Variants in PLK1 observed in about 807,000 individuals in gnomAD.
PLK1 encodes serine/threonine-protein kinase PLK1.
A neutral mutation model predicts 56.7 loss-of-function variants in PLK1; 6 were observed. The observed-to-expected ratio is 0.11, with a 90% CI of 0.06 to 0.21. PLK1 has a LOEUF of 0.21. PLK1 is among the 10% of genes least tolerant of loss of function. The probability of loss-of-function intolerance (pLI) is 1.00; values close to 1 mark genes in which losing one functional copy is unlikely to be tolerated. For synonymous variants in PLK1, 298 were observed against 325.0 expected (o/e 0.92, Z 0.89); for missense variants, 546 against 814.4 (o/e 0.67, Z 4.01).
intron 6 of PLK1, 163 bp downstream of exon 6, chr16:23,687,787 C>G: frequency 2.3e-6 from 1 of 440,580 alleles, no homozygotes; most frequent in Non-Finnish European, 3.9e-6. Flanking sequence ...TTCCGTGGCT[C>G]CTGCCGCCTT....
At position 23,689,815 on chromosome 16, in the gene PLK1, C is replaced by A; in HGVS notation, c.1609-45C>A. On this transcript the variant is annotated intron_variant, in intron 9 of 9. Transcript: ENST00000300093. The surrounding 1 kb of genome is among the most constrained non-coding windows in gnomAD (Gnocchi z 4.8). ...TGTCTTCCCTCTACTCCCTAACATA[C>A]ACTGGCCTCTGGGATCGCCAACCCC... The A allele has an allele frequency of 6.4e-7, 1 of 1,571,500 alleles. No individual in the cohort carries two copies. Among genetic ancestry groups the A allele is most frequent in the Non-Finnish European group, 8.7e-7 (1 of 1,142,944 alleles).
rs568112267 is a variant in PLK1 at position 23,682,402 on chromosome 16, G to A, written c.816+245G>A. Among the ~76,000 whole-genome samples, 6 of 151,878 alleles carry A rather than the reference G, an allele frequency of 4.0e-5. No individual in the cohort carries two copies. The South Asian group carries it at 1.2e-3, about 32-fold the overall frequency. ...GGGTAACCCAAAAGTTGTGTAAAAA[G>A]CAAAAAACAAAGGAGGTAGGAAGGA... On this transcript the variant is annotated intron_variant, in intron 4 of 9. Transcript: ENST00000300093.
At position 23,689,601 on chromosome 16, in the gene PLK1, A is replaced by G; in HGVS notation, c.1533A>G (p.Leu511=). The G allele has an allele frequency of 6.2e-7, 1 of 1,613,284 alleles. No homozygotes were observed. Among genetic ancestry groups the G allele is most frequent in the Non-Finnish European group, 8.5e-7 (1 of 1,179,916 alleles). The change falls in exon 9 of 10, where the codon CTA becomes CTG. Residue 511 remains leucine (L), a synonymous_variant. Coordinates refer to ENST00000300093, the MANE Select transcript of PLK1 (RefSeq NM_005030.6). This position sits in a 1 kb window ranked among gnomAD's most constrained non-coding sequence, Gnocchi z 4.8. ...ATGAGCTCGCCCGGCTGCCCTACCT[A>G]CGGACCTGGTTCCGCACCCGCAGCG... is the stretch of plus-strand genomic sequence containing the variant. ...EGDELARLPY[L]RTWFRTRSAI... is the part of the protein sequence containing the mutation.
intron 1 of PLK1, 48 bp from the exon 2 acceptor site, chr16:23,680,036 C>CAAAGGAAGCACAGGA (rs1959306734): frequency 7.2e-7 from 1 of 1,397,980 alleles, no homozygotes; most frequent in Non-Finnish European, 1.0e-6. Context: ...TCCCCACCGG[C>CAAAGGAAGCACAGGA]CTCAATCCAC....
At position 23,681,767 on chromosome 16, in the gene PLK1, A is replaced by G. The variant is rs1255544757; in HGVS notation, c.723-297A>G. On this transcript the variant is annotated intron_variant, in intron 3 of 9. Coordinates refer to ENST00000300093, the MANE Select transcript of PLK1 (RefSeq NM_005030.6). ...CAGGTAGCCCTTTGACCTGTTTTGC[A>G]TGACAGGCAGCATCTGAGGCCCTTG... Among the ~76,000 whole-genome samples the G allele has an allele frequency of 1.3e-5, 2 of 152,198 alleles. 1 individual carries two copies. The highest frequency in any genetic ancestry group is 6.3e-3 in the Middle Eastern group (2 of 316).
At chr16:23,679,910 G>A in intron 1 of PLK1, 174 bp from the exon 2 acceptor site, 1 of 579,552 alleles carries the variant, frequency 1.7e-6, no homozygotes, top group East Asian at 2.8e-5. Context: ...CGCTGTGCTG[G>A]AGAAGGAATG....
chr16:23,683,823 A>G (rs770111338), intron 4 of PLK1, 47 bp from the exon 5 acceptor site: 1 of 1,442,822 alleles, frequency 6.9e-7, no homozygotes, highest in South Asian at 1.1e-5. Flanking sequence ...ACTGTACTCC[A>G]GGTCCCCTTC....
chr16:23,687,354 A>G, intron 5 of PLK1, 115 bp from the exon 6 acceptor site: 1 of 825,556 alleles, frequency 1.2e-6, no homozygotes, highest in African/African-American at 1.8e-5. Context: ...CCAGGCACTG[A>G]TTCAGTTTCC....
rs1959308139 is a variant in PLK1, at chr16:23,680,133, C to T, written c.458C>T (p.Ala153Val). 6.2e-7 allele frequency: 1 copy of T among 1,613,880 alleles called. No homozygotes were observed. Among genetic ancestry groups the T allele is most frequent in the African/African-American group, 1.3e-5 (1 of 74,900 alleles). ...KRRKALTEPE[A>V]RYYLRQIVLG... is the part of the protein sequence containing the mutation. ...AGGAAAGCCCTGACTGAGCCTGAGG[C>T]CCGATACTACCTACGGCAAATTGTG... The change falls in exon 2 of 10, where the codon GCC (alanine) becomes GTC (valine). Residue 153 changes from alanine (A) to valine (V), a missense_variant. Ala to Val is a moderately conservative substitution (Grantham distance 64). Coordinates refer to ENST00000300093, the MANE Select transcript of PLK1 (RefSeq NM_005030.6).
Position 23,690,237 on chromosome 16 carries a change from T to C in PLK1, c.*174T>C. The C allele has an allele frequency of 3.2e-6, 2 of 620,904 alleles. No homozygotes were observed. Among genetic ancestry groups the C allele is most frequent in the Non-Finnish European group, 5.8e-6 (2 of 345,416 alleles). 38.5% of individuals were successfully genotyped at this position (620,904 alleles called of 1,614,324 possible). A position where few individuals can be genotyped will look rare whatever the true frequency, so the allele number is the denominator to read the frequency against. Reference sequence around the variant, plus strand: ...GCTGTATAAGTTATTTTTGTACATGTTCGGGTGTGGGTTCTACAGCCTTGT... The same window carrying C: ...GCTGTATAAGTTATTTTTGTACATGCTCGGGTGTGGGTTCTACAGCCTTGT... On this transcript the variant is annotated 3_prime_UTR_variant, in exon 10 of 10. Coordinates refer to ENST00000300093, the MANE Select transcript of PLK1 (RefSeq NM_005030.6).
intron 6 of PLK1, among the ~76,000 whole-genome samples, chr16:23,688,149 G>A (rs971707072): frequency 6.6e-6 from 1 of 152,136 alleles, no homozygotes; most frequent in African/African-American, 2.4e-5. Flanking sequence ...TAAATTAAGG[G>A]GTTTGTTGCA....
intron 3 of PLK1, 129 bp from the exon 4 acceptor site, chr16:23,681,935 C>A (rs1959337102): frequency 1.6e-6 from 1 of 636,738 alleles, no homozygotes; most frequent in Non-Finnish European, 2.8e-6. Flanking sequence ...TAGGGATTGT[C>A]TTCAGGGGCC....
At position 23,689,208 on chromosome 16, in the gene PLK1, T is replaced by A. The variant is rs779732513; in HGVS notation, c.1271-30T>A. ...CCCACTCCCCACTTTCTATTCCCCCTTTCTGAGACCTCTCTCCACCGATCC... is the reference window on the plus strand; with the variant it reads ...CCCACTCCCCACTTTCTATTCCCCCATTCTGAGACCTCTCTCCACCGATCC... On this transcript the variant is annotated intron_variant, in intron 7 of 9. Transcript: ENST00000300093. This position sits in a 1 kb window ranked among gnomAD's most constrained non-coding sequence, Gnocchi z 4.8. 3 of 1,589,480 alleles carry A rather than the reference T, an allele frequency of 1.9e-6. No individual in the cohort carries two copies. The highest frequency in any genetic ancestry group is 8.6e-7 in the Non-Finnish European group (1 of 1,160,922).
intron 4 of PLK1, 22 bp downstream of exon 4, chr16:23,682,179 T>A: frequency 1.5e-6 from 2 of 1,293,928 alleles, no homozygotes; most frequent in Non-Finnish European, 2.2e-6. Context: ...TGCTTTAAGT[T>A]TACATTTATT....
chr16:23,681,117 C>G, intron 3 of PLK1, 59 bp downstream of exon 3: 1 of 1,497,054 alleles, frequency 6.7e-7, no homozygotes. Flanking sequence ...TTTGGGACAT[C>G]CTACCTGGCT....
chr16:23,683,151 C>T (rs533504423), intron 4 of PLK1, among the ~76,000 whole-genome samples: 65 of 151,896 alleles, frequency 4.3e-4, no homozygotes, highest in Non-Finnish European at 8.4e-4. Context: ...CCACCATGCC[C>T]GGCTTCTTTT....
intron 1 of PLK1, chr16:23,679,558 C>G: frequency 1.8e-6 from 1 of 545,424 alleles, no homozygotes; most frequent in Non-Finnish European, 3.2e-6. Context: ...GAAGTGGAGT[C>G]TGAGTCATGT....
chr16:23,683,642 G>T (rs566965684), intron 4 of PLK1, among the ~76,000 whole-genome samples: 1 of 152,290 alleles, frequency 6.6e-6, no homozygotes, highest in Non-Finnish European at 1.5e-5. Context: ...TGAGTGCTAG[G>T]AAAGTGAGTT....
intron 7 of PLK1, 131 bp downstream of exon 7, chr16:23,688,876 C>T: frequency 2.8e-6 from 2 of 710,172 alleles, no homozygotes; most frequent in East Asian, 2.5e-5. Context: ...CCAGGCCTCC[C>T]AGTTCCAGCT....
Sources: allele counts gnomAD v4.1 joint callset (sites outside exome capture counted in the v4.1 genomes callset), GRCh38; gene constraint gnomAD v4.1.1; non-coding constraint Gnocchi (gnomAD v3.1); transcripts MANE v1.5; gene names NCBI Gene and HGNC (gene_info 2026-07-23, HGNC 2026-07-21).